Variants in PSG11 observed in about 807,000 individuals in gnomAD.
PSG11 encodes pregnancy specific beta-1-glycoprotein 11.
Under a neutral mutation model 36.0 loss-of-function variants are expected in PSG11, and 42 were observed. That is an observed-to-expected ratio of 1.17 (90% CI 0.91 to 1.51). The LOEUF (loss-of-function observed/expected upper bound fraction) is 1.51. Ranked by LOEUF, PSG11 falls within the 40% of genes most tolerant of loss-of-function variation. The pLI is 0.00. For synonymous variants in PSG11, 206 were observed against 153.5 expected, an observed-to-expected ratio of 1.34 and a Z score of -2.53; for missense variants, 558 against 403.5, an observed-to-expected ratio of 1.38 and a Z score of -3.28.
intron 5 of PSG11, among the ~76,000 whole-genome samples, chr19:43,008,713 C>T (rs1387376843): frequency 1.3e-5 from 2 of 151,106 alleles, no homozygotes. Context: ...TTCTGTTTCT[C>T]AAGAGGATTA....
chr19:43,014,392 T>C, intron 4 of PSG11: 4 of 938,986 alleles, frequency 4.3e-6, no homozygotes, highest in South Asian at 9.9e-5. Flanking sequence ...CAGTGCTGTG[T>C]CCCACGTGCT....
rs746878643 is a variant in PSG11 at position 43,015,961 on chromosome 19, T to G, written c.710-591A>C. 2.4e-5 allele frequency: 38 copies of G among 1,610,048 alleles called. 2 individuals are homozygous for G. Among genetic ancestry groups the G allele is most frequent in the Middle Eastern group, 4.3e-4 (2 of 4,598 alleles). On this transcript the variant is annotated intron_variant, in intron 3 of 5. Transcript: ENST00000320078. ...CCAAATGTAGGCATAGTTCTCACTC[T>G]TAGGTTCACAGGTGAAGGTTAAGAC...
At chr19:43,021,616 G>C (rs1377557497) in intron 2 of PSG11, among the ~76,000 whole-genome samples, 2 of 151,422 alleles carry the variant, frequency 1.3e-5, no homozygotes, top group Admixed American at 6.6e-5. Flanking sequence ...AAAGTGCTGC[G>C]ATTATAGGCA....
At chr19:43,026,212 T>C in intron 1 of PSG11, 97 bp downstream of exon 1, 8 of 1,557,436 alleles carry the variant, frequency 5.1e-6, no homozygotes, top group Admixed American at 3.4e-5. Context: ...AAATGCTGGC[T>C]TTTTTATTTT....
intron 4 of PSG11, chr19:43,014,125 G>C (rs1966897384): frequency 6.3e-6 from 1 of 159,468 alleles, no homozygotes; most frequent in African/African-American, 2.4e-5. Context: ...GAAGGAGTGA[G>C]AGTTACTGTT....
At chr19:43,016,375 G>T (rs1323279250) in intron 3 of PSG11, among the ~76,000 whole-genome samples, 1 of 151,174 alleles carries the variant, frequency 6.6e-6, no homozygotes, top group Non-Finnish European at 1.5e-5. Flanking sequence ...CTCACCTTGG[G>T]TTCCTTACCT....
chr19:43,015,541 C>G (rs1386698705), intron 3 of PSG11, among the ~76,000 whole-genome samples, 171 bp from the exon 4 acceptor site: 1 of 151,370 alleles, frequency 6.6e-6, no homozygotes, highest in African/African-American at 2.4e-5. Context: ...GTTTCTCCCA[C>G]CACAAGCTGT....
intron 2 of PSG11, among the ~76,000 whole-genome samples, chr19:43,021,131 C>T (rs984317904): frequency 6.6e-6 from 1 of 151,384 alleles, no homozygotes; most frequent in Non-Finnish European, 1.5e-5. Context: ...TGTGTTACAG[C>T]CTTTGTAGTT....
intron 2 of PSG11, among the ~76,000 whole-genome samples, chr19:43,022,491 T>G (rs186186627): frequency 1.1e-4 from 17 of 151,532 alleles, no homozygotes; most frequent in African/African-American, 4.1e-4. Flanking sequence ...CTCTAAGCCC[T>G]GATCCACTGG....
In PSG11 at chr19:43,007,949, A is replaced by G. The variant is rs1389530246; in HGVS notation, c.*134T>C. 2.5e-6 allele frequency: 1 copy of G among 398,834 alleles called. No individual in the cohort carries two copies. Among genetic ancestry groups the G allele is most frequent in the Non-Finnish European group, 4.6e-6 (1 of 215,164 alleles). 24.7% of individuals were successfully genotyped at this position (398,834 alleles called of 1,614,324 possible). On this transcript the variant is annotated 3_prime_UTR_variant, in exon 6 of 6. Transcript: ENST00000320078. ...TCATGAAGGTATCAGCCTGTTCATC[A>G]AAATTTTGAAAGTTCTTAGTCCAGT...
chr19:43,022,152 A>T (rs1967116488), intron 2 of PSG11, among the ~76,000 whole-genome samples: 1 of 151,606 alleles, frequency 6.6e-6, no homozygotes, highest in Admixed American at 6.6e-5. Context: ...GAATTCTGCT[A>T]AAATGTATGC....
At chr19:43,011,374 C>T (rs892171616) in intron 4 of PSG11, among the ~76,000 whole-genome samples, 2 of 151,152 alleles carry the variant, frequency 1.3e-5, no homozygotes, top group Non-Finnish European at 2.9e-5. Context: ...CCTACTTTAA[C>T]ACTTCAGGAT....
rs1239868425 is a variant in PSG11, at chr19:43,026,445, C to T, written c.-73G>A. 1.3e-6 allele frequency: 2 copies of T among 1,575,304 alleles called. No individual in the cohort carries two copies. The highest frequency in any genetic ancestry group is 1.4e-5 in the African/African-American group (1 of 72,026). Reference sequence around the variant, plus strand: ...CCAGAAGCTTCCAGAGCACGGCTGTCAGCTGTGCTGTCCTTCCTCCTTCTG... The same window carrying T: ...CCAGAAGCTTCCAGAGCACGGCTGTTAGCTGTGCTGTCCTTCCTCCTTCTG... On this transcript the variant is annotated 5_prime_UTR_variant, in exon 1 of 6. Coordinates refer to ENST00000320078, the MANE Select transcript of PSG11 (RefSeq NM_002785.3).
chr19:43,019,001 C>G lies in PSG11; in HGVS notation c.478G>C (p.Glu160Gln). The change falls in exon 3 of 6, where the codon GAG (glutamate) becomes CAG (glutamine). Residue 160 changes from glutamate to glutamine, a missense_variant. Transcript: ENST00000320078. ...SISSSNLNPR[E>Q]AMETVILTCN... ...GTTAAGATCACAGTCTCCATGGCCT[C>G]CCTGGGGTTTAAGTTGCTGCTGGAG... The G allele has an allele frequency of 3.7e-6, 6 of 1,612,032 alleles. 1 individual carries two copies. The highest frequency in any genetic ancestry group is 5.1e-6 in the Non-Finnish European group (6 of 1,179,146).
In PSG11 at chr19:43,025,003, C is replaced by T. The variant is rs1599683279; in HGVS notation, c.118G>A (p.Ala40Thr). The T allele has an allele frequency of 3.7e-6, 6 of 1,611,132 alleles. No homozygotes were observed. The highest frequency in any genetic ancestry group is 4.2e-6 in the Non-Finnish European group (5 of 1,178,492). ...LPTTAQVMIE[A>T]QPPKVSEGKD... ...CCCTCGGACACTTTGGGTGGCTGGGCTTCAATCATGACTTGGGCAGTGGTA... is the reference window on the plus strand; with the variant it reads ...CCCTCGGACACTTTGGGTGGCTGGGTTTCAATCATGACTTGGGCAGTGGTA... The change falls in exon 2 of 6, where the codon GCC (alanine) becomes ACC (threonine). Residue 40 changes from alanine (A) to threonine (T), a missense_variant. By Grantham distance (58) the Ala-to-Thr change is moderately conservative (BLOSUM62 0). Coordinates refer to ENST00000320078, the MANE Select transcript of PSG11 (RefSeq NM_002785.3).
intron 4 of PSG11, chr19:43,014,615 G>T: frequency 9.5e-7 from 1 of 1,049,480 alleles, no homozygotes; most frequent in Non-Finnish European, 1.2e-6. Context: ...GGCAGGGCCA[G>T]TCACCAGAGG....
At chr19:43,015,754 G>A (rs1297367474) in intron 3 of PSG11, 1 of 1,609,326 alleles carries the variant, frequency 6.2e-7, no homozygotes, top group Non-Finnish European at 8.5e-7. Context: ...GCCCACAGAG[G>A]AACAAAAGAT....
intron 2 of PSG11, among the ~76,000 whole-genome samples, chr19:43,020,066 G>A (rs2122817308): frequency 6.6e-6 from 1 of 151,520 alleles, no homozygotes; most frequent in African/African-American, 2.4e-5. Context: ...GAATCAGAGT[G>A]TAGAATAGTA....
chr19:43,017,359 T>C (rs1242890347), intron 3 of PSG11: 1 of 151,524 alleles, frequency 6.6e-6, no homozygotes, highest in East Asian at 1.9e-4. Flanking sequence ...ATCAGATTAG[T>C]AGACAAAAGT....
Sources: allele counts gnomAD v4.1 joint callset (sites outside exome capture counted in the v4.1 genomes callset), GRCh38; gene constraint gnomAD v4.1.1; transcripts MANE v1.5; gene names NCBI Gene and HGNC (gene_info 2026-07-23, HGNC 2026-07-21).